Variants in MYO3A observed in about 807,000 individuals in gnomAD.
The protein encoded by MYO3A is myosin IIIA.
Under a neutral mutation model 192.7 loss-of-function variants are expected in MYO3A, and 180 were observed. The ratio of observed to expected loss-of-function variants is 0.93; its 90% CI spans 0.83 to 1.06. The LOEUF (loss-of-function observed/expected upper bound fraction) is 1.06. MYO3A is among the 50% of genes least tolerant of loss of function. The pLI is 0.00. For missense variants in MYO3A, 1,896 were observed against 1,905.0 expected (o/e 1.00, Z 0.09); for synonymous variants, 628 against 645.3 (o/e 0.97, Z 0.41).
intron 4 of MYO3A, among the ~76,000 whole-genome samples, chr10:25,993,957 T>G (rs1840245456): frequency 6.6e-6 from 1 of 152,176 alleles, no homozygotes; most frequent in African/African-American, 2.4e-5. Flanking sequence ...TTGGCATAGG[T>G]GCGGTGTGGT....
At position 26,205,259 on chromosome 10, in the gene MYO3A, T is replaced by C. The variant is rs114036315; in HGVS notation, c.4730+2152T>C. The stretch of plus-strand genomic sequence containing the variant: ...CCTCACTTAGCTATCTTTTTTATGG[T>C]GAAAGCACTTAAAATCTACCCTCAG... On this transcript the variant is annotated intron_variant, in intron 34 of 34. Coordinates refer to ENST00000642920, the MANE Select transcript of MYO3A (RefSeq NM_017433.5). Among the ~76,000 whole-genome samples, 1,169 of 152,286 alleles carry C rather than the reference T, an allele frequency of 7.7e-3. 15 individuals carry two copies. The highest frequency in any genetic ancestry group is 0.026 in the African/African-American group (1,063 of 41,546).
chr10:25,938,113 T>C (rs1277719060), intron 2 of MYO3A, among the ~76,000 whole-genome samples: 5 of 152,214 alleles, frequency 3.3e-5, no homozygotes, highest in Non-Finnish European at 7.3e-5. Flanking sequence ...GTTTTATTAT[T>C]TTCATAGTCA....
At chr10:26,003,237 T>C (rs1840966652) in intron 6 of MYO3A, among the ~76,000 whole-genome samples, 1 of 152,214 alleles carries the variant, frequency 6.6e-6, no homozygotes, top group Non-Finnish European at 1.5e-5. Flanking sequence ...GTTACCATTA[T>C]TATGAGATAA....
intron 4 of MYO3A, among the ~76,000 whole-genome samples, chr10:25,994,321 G>T (rs1007385997): frequency 4.6e-5 from 7 of 152,142 alleles, no homozygotes; most frequent in African/African-American, 1.7e-4. Flanking sequence ...TTTTATCAGA[G>T]ACTAGGATTG....
intron 6 of MYO3A, among the ~76,000 whole-genome samples, chr10:26,004,957 G>T (rs941899436): frequency 6.6e-6 from 1 of 152,156 alleles, no homozygotes; most frequent in Non-Finnish European, 1.5e-5. Context: ...AACCATCTAT[G>T]TAATAATTAA....
intron 15 of MYO3A, among the ~76,000 whole-genome samples, chr10:26,089,165 G>A (rs1836530346): frequency 6.6e-6 from 1 of 152,110 alleles, no homozygotes; most frequent in Non-Finnish European, 1.5e-5. Flanking sequence ...AACATAATAA[G>A]CTCTTGTTTT....
chr10:25,983,465 T>G (rs1839460054), intron 4 of MYO3A, among the ~76,000 whole-genome samples: 1 of 151,980 alleles, frequency 6.6e-6, no homozygotes, highest in South Asian at 2.1e-4. Context: ...CACCGTGTTA[T>G]CCAGGATGGT....
At chr10:25,975,366 G>A (rs114633466) in intron 4 of MYO3A, among the ~76,000 whole-genome samples, 1,643 of 152,206 alleles carry the variant, frequency 0.011, 25 homozygotes, top group African/African-American at 0.036. Context: ...TTAAGCAGTT[G>A]GTTGAATTAA....
intron 17 of MYO3A, among the ~76,000 whole-genome samples, chr10:26,113,778 C>G (rs1274670325): frequency 6.6e-6 from 1 of 152,096 alleles, no homozygotes; most frequent in African/African-American, 2.4e-5. Flanking sequence ...TGTCCAATAA[C>G]TAAACTTTCT....
chr10:26,141,606 A>G (rs1397377424), intron 20 of MYO3A, among the ~76,000 whole-genome samples: 1 of 152,218 alleles, frequency 6.6e-6, no homozygotes, highest in Non-Finnish European at 1.5e-5. Context: ...AAAACAGACA[A>G]AAGTTGTTTT....
At chr10:26,175,011 T>C (rs1589080883) in intron 30 of MYO3A, among the ~76,000 whole-genome samples, 1 of 152,304 alleles carries the variant, frequency 6.6e-6, no homozygotes, top group South Asian at 2.1e-4. Flanking sequence ...ACAGTGAAGA[T>C]GAAAGTCTGC....
chr10:26,053,874 G>C (rs1044651723), intron 10 of MYO3A, among the ~76,000 whole-genome samples: 1 of 152,090 alleles, frequency 6.6e-6, no homozygotes, highest in Non-Finnish European at 1.5e-5. Context: ...AAGAGGGACT[G>C]GAAGTCCTCA....
chr10:26,156,634 T>A (rs911466271), intron 25 of MYO3A, among the ~76,000 whole-genome samples: 1 of 152,240 alleles, frequency 6.6e-6, no homozygotes. Context: ...CGCTATTGAC[T>A]TTTCTGTCCT....
At chr10:25,969,097 G>A (rs1303776901) in intron 4 of MYO3A, among the ~76,000 whole-genome samples, 2 of 152,074 alleles carry the variant, frequency 1.3e-5, no homozygotes, top group Non-Finnish European at 2.9e-5. Context: ...AAATTAGCCG[G>A]GTGAGGTGGC....
At chr10:26,202,871 G>A in intron 33 of MYO3A, 93 bp from the exon 34 acceptor site, 1 of 1,384,190 alleles carries the variant, frequency 7.2e-7, no homozygotes, top group Non-Finnish European at 1.0e-6. Flanking sequence ...CTAAATTATA[G>A]TAAATACTTT....
At chr10:26,177,157 A>G (rs1589084840) in intron 31 of MYO3A, among the ~76,000 whole-genome samples, 1 of 152,230 alleles carries the variant, frequency 6.6e-6, no homozygotes, top group East Asian at 1.9e-4. Flanking sequence ...GGCAGATTTG[A>G]TAAGAGAGCG....
intron 4 of MYO3A, among the ~76,000 whole-genome samples, chr10:25,971,849 T>C (rs1045931178): frequency 6.6e-6 from 1 of 152,154 alleles, no homozygotes; most frequent in Non-Finnish European, 1.5e-5. Flanking sequence ...TTTTTGTTTG[T>C]GTGTTTGTTT....
intron 25 of MYO3A, among the ~76,000 whole-genome samples, chr10:26,156,350 T>C (rs1841111131): frequency 6.6e-6 from 1 of 152,242 alleles, no homozygotes; most frequent in Non-Finnish European, 1.5e-5. Context: ...AATTGCTATT[T>C]GTGTCCATAC....
chr10:25,966,030 T>A (rs1178432535), intron 4 of MYO3A, among the ~76,000 whole-genome samples: 2 of 151,762 alleles, frequency 1.3e-5, no homozygotes, highest in Non-Finnish European at 2.9e-5. Flanking sequence ...CTATGGGTGC[T>A]CACCAGATTT....
Sources: gnomAD v4.1 joint callset for allele counts (sites outside exome capture counted in the v4.1 genomes callset) on GRCh38, gnomAD v4.1.1 for gene constraint, MANE v1.5 for transcripts, NCBI Gene and HGNC (gene_info 2026-07-23, HGNC 2026-07-21) for gene names.